The following RPS6KC1 variants were observed in gnomAD, a reference collection of about 807,000 sequenced individuals.
The protein encoded by RPS6KC1 is ribosomal protein S6 kinase C1, also known as inactive ribosomal protein S6 kinase delta-1.
Under a neutral mutation model 103.8 loss-of-function variants are expected in RPS6KC1, and 54 were observed. The ratio of observed to expected loss-of-function variants is 0.52; its 90% CI spans 0.42 to 0.65. RPS6KC1 has a LOEUF of 0.65. Among genes scored for constraint, RPS6KC1 ranks in the 30% least tolerant of loss-of-function variants. The pLI is 0.00. For synonymous variants in RPS6KC1, 439 were observed against 438.7 expected (o/e 1.00, Z -0.01); for missense variants, 1,151 against 1,253.8 (o/e 0.92, Z 1.24).
intron 8 of RPS6KC1, among the ~76,000 whole-genome samples, chr1:213,208,467 T>G (rs1404674824): frequency 6.6e-6 from 1 of 152,194 alleles, no homozygotes; most frequent in Non-Finnish European, 1.5e-5. Flanking sequence ...GATGTTGTGG[T>G]GTGGAAATCT....
chr1:213,621,625 C>T, the RPS6KC1 span, among the ~76,000 whole-genome samples: 1 of 152,162 alleles, frequency 6.6e-6, no homozygotes, highest in Admixed American at 6.5e-5. Flanking sequence ...TTTAGACTGA[C>T]CTCTGTTCAG....
the RPS6KC1 span, among the ~76,000 whole-genome samples, chr1:213,760,278 G>T: frequency 6.6e-6 from 1 of 152,028 alleles, no homozygotes; most frequent in East Asian, 1.9e-4. Flanking sequence ...ACCCACAGCC[G>T]CTGCTTCATT....
chr1:213,444,453 C>G, the RPS6KC1 span, among the ~76,000 whole-genome samples: 8 of 152,108 alleles, frequency 5.3e-5, no homozygotes, highest in African/African-American at 1.9e-4. Context: ...GGAGTCTCCT[C>G]CATGTGAGCT....
At chr1:213,462,103 G>T in the RPS6KC1 span, among the ~76,000 whole-genome samples, 1 of 152,104 alleles carries the variant, frequency 6.6e-6, no homozygotes, top group African/African-American at 2.4e-5. Flanking sequence ...GTGGGCAAAG[G>T]ATATGAACAG....
At chr1:213,601,990 T>TC in the RPS6KC1 span, among the ~76,000 whole-genome samples, 8 of 11,932 alleles carry the variant, frequency 6.7e-4, no homozygotes, top group Admixed American at 3.9e-3. Flanking sequence ...CTCTCTCTCT[T>TC]TCTTTCTTTT....
chr1:213,762,513 A>G, the RPS6KC1 span, among the ~76,000 whole-genome samples: 1 of 152,222 alleles, frequency 6.6e-6, no homozygotes, highest in African/African-American at 2.4e-5. Context: ...CTCTCCTATA[A>G]TAAAGAAATT....
At chr1:213,299,180 CAT>C in the RPS6KC1 span, among the ~76,000 whole-genome samples, 1,671 of 152,348 alleles carry the variant, frequency 0.011, 27 homozygotes, top group African/African-American at 0.036. Flanking sequence ...GTGAAAGCTG[CAT>C]TCTTTGTATG....
rs769460367 is a variant in RPS6KC1 at position 213,242,281 on chromosome 1, C to T, written c.2805C>T (p.Ile935=). The T allele has an allele frequency of 5.0e-6, 8 of 1,613,864 alleles. No individual in the cohort carries two copies. Among genetic ancestry groups the T allele is most frequent in the Non-Finnish European group, 6.8e-6 (8 of 1,179,854 alleles). Residue 935 remains isoleucine, a synonymous_variant, in exon 11 of 15, where the codon ATC becomes ATT. Coordinates refer to ENST00000366960, the MANE Select transcript of RPS6KC1 (RefSeq NM_012424.6). Reference sequence around the variant, plus strand: ...GCCGCGATTTGAACCCAAACAACATCTTATTGAATGATAGAGGTCAGGAAC... The same window carrying T: ...GCCGCGATTTGAACCCAAACAACATTTTATTGAATGATAGAGGTCAGGAAC... ...IVCRDLNPNN[I]LLNDRGHIQL...
At chr1:213,651,328 T>A in the RPS6KC1 span, among the ~76,000 whole-genome samples, 6 of 152,054 alleles carry the variant, frequency 3.9e-5, no homozygotes, top group Non-Finnish European at 7.4e-5. Flanking sequence ...GGAGATGTGG[T>A]CCCTAGAAAG....
chr1:213,510,242 C>T, the RPS6KC1 span, among the ~76,000 whole-genome samples: 3 of 152,166 alleles, frequency 2.0e-5, no homozygotes, highest in African/African-American at 4.8e-5. Context: ...AGTTTTCCTC[C>T]ATTATGTACT....
the RPS6KC1 span, among the ~76,000 whole-genome samples, chr1:213,506,506 C>T: frequency 6.6e-6 from 1 of 152,228 alleles, no homozygotes; most frequent in African/African-American, 2.4e-5. Context: ...ACTTTTCACT[C>T]AGTTACTCAT....
At chr1:213,618,276 G>C in the RPS6KC1 span, among the ~76,000 whole-genome samples, 2 of 152,172 alleles carry the variant, frequency 1.3e-5, no homozygotes, top group Admixed American at 1.3e-4. Context: ...TCAAAACAAT[G>C]TGTCTGATCA....
intron 8 of RPS6KC1, among the ~76,000 whole-genome samples, chr1:213,198,660 T>A (rs181059750): frequency 1.5e-3 from 232 of 152,190 alleles, no homozygotes; most frequent in African/African-American, 5.2e-3. Context: ...GACTACTGAG[T>A]AAGTATGTAT....
chr1:213,260,523 C>T (rs2094761346), intron 12 of RPS6KC1, among the ~76,000 whole-genome samples: 1 of 152,130 alleles, frequency 6.6e-6, no homozygotes, highest in South Asian at 2.1e-4. Flanking sequence ...ATTGACTAAG[C>T]ATTGGTTAAA....
the RPS6KC1 span, among the ~76,000 whole-genome samples, chr1:213,624,242 G>C: frequency 6.6e-6 from 1 of 152,214 alleles, no homozygotes. Flanking sequence ...TACATATTAA[G>C]CACTTGCTGT....
the RPS6KC1 span, among the ~76,000 whole-genome samples, chr1:213,566,560 C>T: frequency 1.0e-4 from 14 of 137,400 alleles, no homozygotes; most frequent in Admixed American, 1.0e-3. Flanking sequence ...CTATCATTCT[C>T]ATATTTTGCT....
the RPS6KC1 span, among the ~76,000 whole-genome samples, chr1:213,497,668 TAATGA>T: frequency 2.6e-5 from 4 of 152,108 alleles, no homozygotes; most frequent in African/African-American, 9.7e-5. Context: ...AAAGTAGAGT[TAATGA>T]AATAGTCCCA....
the RPS6KC1 span, among the ~76,000 whole-genome samples, chr1:213,570,940 A>G: frequency 6.6e-6 from 1 of 152,240 alleles, no homozygotes; most frequent in Admixed American, 6.5e-5. Flanking sequence ...GTCAGAAACC[A>G]AAGTTAAAAT....
chr1:213,177,881 ATAGC>A (rs2091979495), intron 8 of RPS6KC1, among the ~76,000 whole-genome samples: 1 of 152,030 alleles, frequency 6.6e-6, no homozygotes, highest in Non-Finnish European at 1.5e-5. Context: ...AGTCCTAGTA[ATAGC>A]TAGTAGTCTC....
Sources: gnomAD v4.1 joint callset for allele counts (sites outside exome capture counted in the v4.1 genomes callset) on GRCh38, gnomAD v4.1.1 for gene constraint, MANE v1.5 for transcripts, NCBI Gene and HGNC (gene_info 2026-07-23, HGNC 2026-07-21) for gene names.